Variants in VWA3B observed in about 807,000 individuals in gnomAD.
The protein encoded by VWA3B is von Willebrand factor A domain containing 3B.
Under a neutral mutation model 158.3 loss-of-function variants are expected in VWA3B, and 138 were observed. The observed-to-expected ratio is 0.87, with a 90% CI of 0.76 to 1.00. The LOEUF (loss-of-function observed/expected upper bound fraction) is 1.00. Among genes scored for constraint, VWA3B ranks in the 50% least tolerant of loss-of-function variants. The probability of loss-of-function intolerance (pLI) is 0.00; values close to 1 mark genes in which losing one functional copy is unlikely to be tolerated. For synonymous variants in VWA3B, 596 were observed against 587.3 expected, an observed-to-expected ratio of 1.01 and a Z score of -0.21; for missense variants, 1,555 against 1,565.1, an observed-to-expected ratio of 0.99 and a Z score of 0.11.
intron 12 of VWA3B, among the ~76,000 whole-genome samples, chr2:98,195,125 C>A (rs1681933103): frequency 6.6e-6 from 1 of 152,126 alleles, no homozygotes; most frequent in Non-Finnish European, 1.5e-5. Context: ...AGATATACTA[C>A]AATTGAGACC....
chr2:98,254,469 G>A (rs1464790523), intron 20 of VWA3B, among the ~76,000 whole-genome samples: 1 of 152,076 alleles, frequency 6.6e-6, no homozygotes, highest in East Asian at 1.9e-4. Context: ...AACAAATCTT[G>A]GAAGCCTTAA....
chr2:98,152,009 A>G (rs559023223), intron 7 of VWA3B, among the ~76,000 whole-genome samples: 5 of 152,328 alleles, frequency 3.3e-5, no homozygotes, highest in South Asian at 2.1e-4. Context: ...ATGCATAACG[A>G]TGGATGAATT....
intron 19 of VWA3B, among the ~76,000 whole-genome samples, chr2:98,246,674 A>T (rs756626856): frequency 6.6e-5 from 10 of 151,900 alleles, no homozygotes; most frequent in Non-Finnish European, 1.3e-4. Flanking sequence ...GAGCCACCCC[A>T]CCCAGCCTAT....
At chr2:98,216,985 C>CCCCCCT (rs373240618) in intron 13 of VWA3B, 2 of 1,245,322 alleles carry the variant, frequency 1.6e-6, no homozygotes, top group African/African-American at 3.6e-5. Flanking sequence ...TGTAAGCACC[C>CCCCCCT]GCCCCGCACC....
At chr2:98,116,617 C>T (rs907994035) in intron 3 of VWA3B, among the ~76,000 whole-genome samples, 1 of 152,114 alleles carries the variant, frequency 6.6e-6, no homozygotes, top group Admixed American at 6.5e-5. Context: ...AGCGATCCTC[C>T]CACCTCAGCC....
chr2:98,142,277 C>G (rs534608301), intron 7 of VWA3B, among the ~76,000 whole-genome samples: 97 of 152,284 alleles, frequency 6.4e-4, no homozygotes, highest in African/African-American at 2.1e-3. Flanking sequence ...GCCCCGCCTC[C>G]CTGGATTCCC....
At chr2:98,101,318 T>C (rs1683061691) in intron 2 of VWA3B, among the ~76,000 whole-genome samples, 1 of 152,218 alleles carries the variant, frequency 6.6e-6, no homozygotes, top group Non-Finnish European at 1.5e-5. Flanking sequence ...TGATGTATTG[T>C]TGGGATGCCA....
chr2:98,181,228 T>C lies in VWA3B; in HGVS notation c.1311+16T>C, dbSNP rs1680553216. On this transcript the variant is annotated intron_variant, in intron 9 of 27. Coordinates refer to ENST00000477737, the MANE Select transcript of VWA3B (RefSeq NM_144992.5). ...GACCAGTGCGGTAGGTGAAGTGCAC[T>C]CCTGGGAGGGGCTGGGGCCTCCCCT... The C allele has an allele frequency of 6.2e-7, 1 of 1,609,312 alleles. No homozygotes were observed.
chr2:98,309,642 T>G lies in VWA3B; in HGVS notation c.3522-2177T>G, dbSNP rs143227640. Among the ~76,000 whole-genome samples the G allele has an allele frequency of 9.6e-3, 1,456 of 152,366 alleles. 12 individuals are homozygous for G. Among genetic ancestry groups the G allele is most frequent in the Non-Finnish European group, 0.014 (972 of 68,036 alleles). ...CCTCCCTTGACCCCGTGTAGTGTTG[T>G]GGACTCACATTGTCTCCTGACATCA... is the stretch of plus-strand genomic sequence containing the variant. On this transcript the variant is annotated intron_variant, in intron 26 of 27. Transcript: ENST00000477737.
intron 22 of VWA3B, among the ~76,000 whole-genome samples, chr2:98,286,620 A>T (rs1204627655): frequency 6.6e-6 from 1 of 152,114 alleles, no homozygotes; most frequent in Non-Finnish European, 1.5e-5. Context: ...CATTCCAGGG[A>T]CAAATCCGAC....
intron 21 of VWA3B, among the ~76,000 whole-genome samples, chr2:98,263,776 C>G (rs1473614578): frequency 6.6e-6 from 1 of 151,904 alleles, no homozygotes; most frequent in Admixed American, 6.6e-5. Flanking sequence ...GAGCATTTCT[C>G]CCTTTTCAAT....
chr2:98,187,630 C>T (rs1248734744), intron 9 of VWA3B, among the ~76,000 whole-genome samples: 1 of 149,962 alleles, frequency 6.7e-6, no homozygotes, highest in Non-Finnish European at 1.5e-5. Flanking sequence ...TGCTATGTCT[C>T]TCTCTCTCTC....
chr2:98,113,605 A>G (rs1450498895), intron 2 of VWA3B, among the ~76,000 whole-genome samples: 1 of 152,314 alleles, frequency 6.6e-6, no homozygotes, highest in South Asian at 2.1e-4. Context: ...CTACAATTCA[A>G]TGGTTTTACT....
chr2:98,268,056 C>T (rs1199226273), intron 21 of VWA3B, among the ~76,000 whole-genome samples: 2 of 151,780 alleles, frequency 1.3e-5, no homozygotes, highest in African/African-American at 4.8e-5. Flanking sequence ...CAATAGCTTA[C>T]CAACCAAAAA....
chr2:98,288,616 A>C (rs1306424799), intron 22 of VWA3B, among the ~76,000 whole-genome samples: 1 of 152,180 alleles, frequency 6.6e-6, no homozygotes. Context: ...ATCAAAGTAC[A>C]TGTTTCATAT....
chr2:98,298,446 G>T (rs62155298), intron 24 of VWA3B, among the ~76,000 whole-genome samples: 1,928 of 83,096 alleles, frequency 0.023, 20 homozygotes, highest in Middle Eastern at 0.07. Context: ...TCTATTCTAT[G>T]CCATGCCATG....
At chr2:98,213,218 A>G (rs745375564) in intron 13 of VWA3B, among the ~76,000 whole-genome samples, 10 of 152,216 alleles carry the variant, frequency 6.6e-5, no homozygotes, top group Non-Finnish European at 1.5e-4. Flanking sequence ...GGACAGGGGC[A>G]ACGGAAGAAG....
At chr2:98,321,449 C>T in the VWA3B span, among the ~76,000 whole-genome samples, 44 of 152,208 alleles carry the variant, frequency 2.9e-4, no homozygotes, top group Non-Finnish European at 3.8e-4. Flanking sequence ...ACACTCAATA[C>T]CAGCCATAAA....
chr2:98,166,164 C>G lies in VWA3B; in HGVS notation c.1114+3188C>G, dbSNP rs1053253097. Among the ~76,000 whole-genome samples the G allele has an allele frequency of 3.3e-5, 5 of 152,144 alleles. 1 individual carries two copies. Among genetic ancestry groups the G allele is most frequent in the Non-Finnish European group, 7.4e-5 (5 of 68,026 alleles). ...CCAGCCTGGTCAACATGGCAAAACC[C>G]CATCTCTACCAAAAATACAAAAATT... is the stretch of plus-strand genomic sequence containing the variant. On this transcript the variant is annotated intron_variant, in intron 8 of 27. Coordinates refer to ENST00000477737, the MANE Select transcript of VWA3B (RefSeq NM_144992.5).
Sources: gnomAD v4.1 joint callset for allele counts (sites outside exome capture counted in the v4.1 genomes callset) on GRCh38, gnomAD v4.1.1 for gene constraint, MANE v1.5 for transcripts, NCBI Gene and HGNC (gene_info 2026-07-23, HGNC 2026-07-21) for gene names.